Variants in LRBA observed in about 807,000 individuals in gnomAD.
The protein encoded by LRBA is LPS responsive beige-like anchor protein, also known as lipopolysaccharide-responsive and beige-like anchor protein.
LRBA carries 176 observed loss-of-function variants against 330.0 expected under a neutral mutation model. That is an observed-to-expected ratio of 0.53 (90% CI 0.47 to 0.60). The LOEUF is 0.60. Ranked by LOEUF, LRBA falls within the 20% of genes least tolerant of loss-of-function variation. The pLI is 0.00. For synonymous variants in LRBA, 1,230 were observed against 1,193.0 expected (o/e 1.03, Z -0.64); for missense variants, 3,259 against 3,444.8 (o/e 0.95, Z 1.35).
chr4:151,008,484 G>A (rs1052081302), intron 2 of LRBA, among the ~76,000 whole-genome samples: 8 of 152,146 alleles, frequency 5.3e-5, no homozygotes, highest in Non-Finnish European at 1.0e-4. Context: ...AGCATACTCA[G>A]ATAAGTCCTG....
At chr4:150,618,687 G>C (rs1048371420) in intron 37 of LRBA, among the ~76,000 whole-genome samples, 1 of 151,898 alleles carries the variant, frequency 6.6e-6, no homozygotes, top group Admixed American at 6.6e-5. Context: ...TTATGTCCTA[G>C]TCAGTTCATT....
intron 56 of LRBA, among the ~76,000 whole-genome samples, chr4:150,268,554 G>A (rs976118361): frequency 1.3e-5 from 2 of 152,222 alleles, no homozygotes; most frequent in Non-Finnish European, 2.9e-5. Flanking sequence ...TGTACACCAT[G>A]ACCCAGTGGG....
chr4:150,901,447 G>T (rs903478232), intron 13 of LRBA, among the ~76,000 whole-genome samples: 1 of 152,114 alleles, frequency 6.6e-6, no homozygotes, highest in Non-Finnish European at 1.5e-5. Flanking sequence ...TTTATAAGCT[G>T]AACAACTGTA....
chr4:150,732,837 C>T (rs1383097945), intron 36 of LRBA, among the ~76,000 whole-genome samples: 1 of 151,918 alleles, frequency 6.6e-6, no homozygotes, highest in Non-Finnish European at 1.5e-5. Context: ...TACAGTTTTC[C>T]AAATATGTTT....
intron 35 of LRBA, among the ~76,000 whole-genome samples, chr4:150,758,166 ACT>A (rs1361859918): frequency 6.6e-6 from 1 of 152,100 alleles, no homozygotes; most frequent in Non-Finnish European, 1.5e-5. Context: ...CAAGAGAGGA[ACT>A]CTGAGCTTAG....
chr4:150,869,819 T>C (rs554203213), intron 20 of LRBA, among the ~76,000 whole-genome samples: 2 of 151,104 alleles, frequency 1.3e-5, no homozygotes, highest in South Asian at 2.1e-4. Flanking sequence ...CTTTGGGAGG[T>C]TGAGGTGGGA....
chr4:150,705,124 C>A (rs2127011303), intron 36 of LRBA, among the ~76,000 whole-genome samples: 1 of 152,166 alleles, frequency 6.6e-6, no homozygotes, highest in South Asian at 2.1e-4. Flanking sequence ...GTTATTTGCC[C>A]AAATCCTCTT....
At chr4:150,451,853 T>G (rs1017989042) in intron 44 of LRBA, among the ~76,000 whole-genome samples, 2 of 152,124 alleles carry the variant, frequency 1.3e-5, no homozygotes, top group Non-Finnish European at 2.9e-5. Flanking sequence ...TTGTGAAAGA[T>G]GCAAACTACC....
At chr4:150,657,726 A>T (rs1246587148) in intron 37 of LRBA, among the ~76,000 whole-genome samples, 8 of 152,160 alleles carry the variant, frequency 5.3e-5, no homozygotes, top group African/African-American at 1.2e-4. Flanking sequence ...CAAAAATATT[A>T]AAAAACTGAG....
intron 2 of LRBA, among the ~76,000 whole-genome samples, chr4:150,975,836 A>G (rs888832761): frequency 6.6e-6 from 1 of 152,124 alleles, no homozygotes; most frequent in South Asian, 2.1e-4. Context: ...CAGTATCCAA[A>G]AGTCTAACAT....
intron 25 of LRBA, 118 bp from the exon 26 acceptor site, chr4:150,849,116 A>G: frequency 1.5e-6 from 1 of 675,452 alleles, no homozygotes; most frequent in East Asian, 2.8e-5. Context: ...ACCTAGTAAC[A>G]CAGAGTGATT....
At position 150,906,357 on chromosome 4, in the gene LRBA, A is replaced by G; in HGVS notation, c.1542T>C (p.Ala514=). 1.2e-6 allele frequency: 2 copies of G among 1,612,868 alleles called. No individual in the cohort carries two copies. Among genetic ancestry groups the G allele is most frequent in the Non-Finnish European group, 1.7e-6 (2 of 1,179,082 alleles). ...FIMELLKNSI[A]MQEQMLACKG... ...TACAGGCAAGCATCTGTTCCTGCAT[A>G]GCAATTGAGTTCTTCAACAATTCCA... The change falls in exon 12 of 57, where the codon GCT becomes GCC. Residue 514 remains alanine (A), a synonymous_variant. Coordinates refer to ENST00000651943, the MANE Select transcript of LRBA (RefSeq NM_001364905.1).
chr4:150,333,512 A>G (rs1355947835), intron 48 of LRBA, among the ~76,000 whole-genome samples: 1 of 152,198 alleles, frequency 6.6e-6, no homozygotes, highest in East Asian at 1.9e-4. Flanking sequence ...TTACCAAGAA[A>G]TGTTTAAGCA....
chr4:150,854,545 C>T (rs1750994156), intron 22 of LRBA, among the ~76,000 whole-genome samples: 4 of 152,014 alleles, frequency 2.6e-5, no homozygotes, highest in South Asian at 2.1e-4. Flanking sequence ...AATAAACACA[C>T]GAATATGTAA....
chr4:150,940,707 T>C (rs547480672), intron 2 of LRBA, among the ~76,000 whole-genome samples: 212 of 152,278 alleles, frequency 1.4e-3, no homozygotes, highest in African/African-American at 4.8e-3. Flanking sequence ...CCACATTCTT[T>C]ATTCAATTCT....
At chr4:150,736,222 T>C (rs780966688) in intron 35 of LRBA, among the ~76,000 whole-genome samples, 7 of 152,314 alleles carry the variant, frequency 4.6e-5, no homozygotes, top group Non-Finnish European at 1.0e-4. Context: ...GGAAGTCCTT[T>C]CTAAAGGAAG....
At chr4:150,605,544 T>C (rs930953565) in intron 37 of LRBA, among the ~76,000 whole-genome samples, 1 of 152,188 alleles carries the variant, frequency 6.6e-6, no homozygotes, top group African/African-American at 2.4e-5. Context: ...CTAGCTTCTA[T>C]TTCCATATTT....
At chr4:150,792,802 C>T (rs1277341196) in intron 34 of LRBA, among the ~76,000 whole-genome samples, 18 of 152,138 alleles carry the variant, frequency 1.2e-4, no homozygotes, top group South Asian at 2.1e-4. Context: ...GGCTAGGGGC[C>T]GGGCACAGTG....
At chr4:150,437,503 C>CTATA (rs1202631067) in intron 44 of LRBA, among the ~76,000 whole-genome samples, 17 of 135,950 alleles carry the variant, frequency 1.3e-4, no homozygotes, top group African/African-American at 4.1e-4. Flanking sequence ...CTCTCTCTCT[C>CTATA]TCTCTATATA....
Sources: gnomAD v4.1 joint callset for allele counts (sites outside exome capture counted in the v4.1 genomes callset) on GRCh38, gnomAD v4.1.1 for gene constraint, MANE v1.5 for transcripts, NCBI Gene and HGNC (gene_info 2026-07-23, HGNC 2026-07-21) for gene names.